WDR4: variants seen among roughly 807,000 people sequenced by gnomAD.
The protein encoded by WDR4 is WDR4 tRNA N7-guanosine methyltransferase non-catalytic subunit.
In WDR4, 47 loss-of-function variants were observed where a neutral mutation model predicts 48.6. The observed-to-expected ratio is 0.97, with a 90% confidence interval of 0.77 to 1.23. The LOEUF (loss-of-function observed/expected upper bound fraction) is 1.23. Ranked by LOEUF, WDR4 falls within the 50% of genes most tolerant of loss-of-function variation. The pLI is 0.00. For missense variants in WDR4, 606 were observed against 551.6 expected, an observed-to-expected ratio of 1.10 and a Z score of -0.99; for synonymous variants, 268 against 230.0, an observed-to-expected ratio of 1.17 and a Z score of -1.49.
Position 42,861,876 on chromosome 21 carries a change from C to T in WDR4, c.566+406G>A, listed in dbSNP as rs373427486. Reference sequence around the variant, plus strand: ...TGGCAGAGTGTGCTGCCACGAGAGACGCCGCCACCTGGCTGCAGAGGCCGC... The same window carrying T: ...TGGCAGAGTGTGCTGCCACGAGAGATGCCGCCACCTGGCTGCAGAGGCCGC... On this transcript the variant is annotated intron_variant, in intron 5 of 10. Coordinates refer to ENST00000398208, the MANE Select transcript of WDR4 (RefSeq NM_018669.6). Among the ~76,000 whole-genome samples, 26 of 152,288 alleles carry T rather than the reference C, an allele frequency of 1.7e-4. 1 individual carries two copies. In the South Asian group the frequency reaches 2.1e-3, roughly 12 times the overall value.
chr21:42,860,904 G>A lies in WDR4; in HGVS notation c.567-1182C>T, dbSNP rs372251515. 1.6e-4 allele frequency among the ~76,000 whole-genome samples: 24 copies of A among 152,266 alleles called. 1 individual carries two copies. In the South Asian group the frequency reaches 2.1e-3, roughly 13 times the overall value. ...GCGGGAGACGGCCAGTGAACCAACT[G>A]ATACTGCAATGTCAGCAAAGGGCAC... On this transcript the variant is annotated intron_variant, in intron 5 of 10. Transcript: ENST00000398208.
rs143170147 is a variant in WDR4 at position 42,854,238 on chromosome 21, G to A, written c.791+324C>T. ...CGCCAACCCCAGGGGGTTCCCATCC[G>A]ACCAGCCCCGAGCCGGGAGTGAGGT... On this transcript the variant is annotated intron_variant, in intron 8 of 10. Coordinates refer to ENST00000398208, the MANE Select transcript of WDR4 (RefSeq NM_018669.6). Among the ~76,000 whole-genome samples the A allele has an allele frequency of 2.1e-3, 315 of 152,330 alleles. 5 individuals are homozygous for A. Among genetic ancestry groups the A allele is most frequent in the South Asian group, 6.0e-3 (29 of 4,826 alleles).
At chr21:42,859,918 G>A (rs764740785) in intron 5 of WDR4, among the ~76,000 whole-genome samples, 196 bp from the exon 6 acceptor site, 5 of 152,066 alleles carry the variant, frequency 3.3e-5, no homozygotes, top group African/African-American at 4.8e-5. Context: ...GCCCCTGGAC[G>A]CAGTCGGGGA....
chr21:42,872,633 A>C (rs956010077), intron 3 of WDR4, among the ~76,000 whole-genome samples: 1 of 149,970 alleles, frequency 6.7e-6, no homozygotes, highest in African/African-American at 2.5e-5. Context: ...AAAAAAGATG[A>C]AATAAAAATC....
intron 3 of WDR4, among the ~76,000 whole-genome samples, chr21:42,872,082 T>G (rs1156587885): frequency 1.3e-5 from 2 of 152,036 alleles, no homozygotes; most frequent in Non-Finnish European, 2.9e-5. Flanking sequence ...CCTCCCAGGT[T>G]CGGGAGATTC....
At chr21:42,886,552 T>C in the WDR4 span, among the ~76,000 whole-genome samples, 4 of 152,238 alleles carry the variant, frequency 2.6e-5, no homozygotes, top group Non-Finnish European at 5.9e-5. Flanking sequence ...AGATGTTCCA[T>C]GGGCTTTGCT....
upstream of WDR4, among the ~76,000 whole-genome samples, chr21:42,880,522 AGAG>A (rs1309700976): frequency 6.6e-6 from 1 of 152,234 alleles, no homozygotes; most frequent in Non-Finnish European, 1.5e-5. Flanking sequence ...GAAAATGAGA[AGAG>A]GAGGAGACAC....
At chr21:42,858,706 C>A (rs562622847) in intron 6 of WDR4, among the ~76,000 whole-genome samples, 3 of 152,250 alleles carry the variant, frequency 2.0e-5, no homozygotes, top group East Asian at 3.9e-4. Context: ...GCTGACGAAG[C>A]CTGACCCTGA....
At position 42,855,675 on chromosome 21, in the gene WDR4, C is replaced by A; in HGVS notation, c.726+7G>T. 6.5e-7 allele frequency: 1 copy of A among 1,545,560 alleles called. No individual in the cohort carries two copies. The highest frequency in any genetic ancestry group is 8.8e-7 in the Non-Finnish European group (1 of 1,142,380). On this transcript the variant is annotated splice_region_variant and intron_variant, in intron 7 of 10. Coordinates refer to ENST00000398208, the MANE Select transcript of WDR4 (RefSeq NM_018669.6). Reference sequence around the variant, plus strand: ...TCAGTCGCCCAGGAGTGAACAGAAGCAGCTACCTGGGGGGCCTGGGGGTCC... The same window carrying A: ...TCAGTCGCCCAGGAGTGAACAGAAGAAGCTACCTGGGGGGCCTGGGGGTCC...
chr21:42,852,173 C>A, intron 10 of WDR4, 82 bp downstream of exon 10: 1 of 1,421,992 alleles, frequency 7.0e-7, no homozygotes, highest in Non-Finnish European at 9.8e-7. Context: ...GTACCCCGGG[C>A]AGGTCACAGT....
At chr21:42,847,697 T>A (rs575810120), downstream of WDR4, among the ~76,000 whole-genome samples, 2 of 152,214 alleles carry the variant, frequency 1.3e-5, no homozygotes, top group African/African-American at 4.8e-5. Context: ...GATAATGAAA[T>A]GTGAATTTCA....
chr21:42,868,861 G>A (rs1351992488), intron 3 of WDR4, among the ~76,000 whole-genome samples: 1 of 152,250 alleles, frequency 6.6e-6, no homozygotes, highest in Non-Finnish European at 1.5e-5. Context: ...CCACACCTCT[G>A]CTGTCCCAGT....
At position 42,863,541 on chromosome 21, in the gene WDR4, A is replaced by G. The variant is rs1157703135; in HGVS notation, c.352T>C (p.Leu118=). The change falls in exon 4 of 11, where the codon TTG becomes CTG. Residue 118 remains leucine (L), a synonymous_variant. Transcript: ENST00000398208. ...LTFIASEEKV[L]VADKSGDVYS... is the part of the protein sequence containing the mutation. ...ACGTCTCCAGACTTGTCGGCCACCA[A>G]GACCTTCTCCTCCGAGGCTATGAAA... 4 of 1,614,072 alleles carry G rather than the reference A, an allele frequency of 2.5e-6. No individual in the cohort carries two copies. Among genetic ancestry groups the G allele is most frequent in the Non-Finnish European group, 3.4e-6 (4 of 1,180,000 alleles).
At chr21:42,843,215 GC>G (rs2057681367) in exon 12 of WDR4, 1 of 152,088 alleles carries the variant, frequency 6.6e-6, no homozygotes, top group Non-Finnish European at 1.5e-5. Flanking sequence ...CTCATCGTCG[GC>G]CGACAGATCG....
At chr21:42,858,315 CAGA>C (rs1297011189) in intron 6 of WDR4, among the ~76,000 whole-genome samples, 1 of 152,126 alleles carries the variant, frequency 6.6e-6, no homozygotes, top group East Asian at 1.9e-4. Context: ...GTCCTCCAGG[CAGA>C]AGGAGAGCCC....
intron 3 of WDR4, among the ~76,000 whole-genome samples, chr21:42,867,395 A>C (rs1773244161): frequency 6.8e-6 from 1 of 146,718 alleles, no homozygotes; most frequent in Non-Finnish European, 1.5e-5. Context: ...CGCTCCACCA[A>C]AAAAAAAAAA....
chr21:42,868,836 G>A (rs193172843), intron 3 of WDR4, among the ~76,000 whole-genome samples: 66 of 152,380 alleles, frequency 4.3e-4, no homozygotes, highest in African/African-American at 1.4e-3. Context: ...ATTGGTGCCA[G>A]TAAACCCACA....
In WDR4 at chr21:42,862,540, C is replaced by T. The variant is rs762240316; in HGVS notation, c.454-146G>A. 2 of 678,902 alleles carry T rather than the reference C, an allele frequency of 2.9e-6. No homozygotes were observed. Among genetic ancestry groups the T allele is most frequent in the Admixed American group, 2.6e-5 (1 of 38,504 alleles). The allele number at this position is 678,902 out of a possible 1,614,324, so 42.1% of individuals were successfully genotyped here. A position where few individuals can be genotyped will look rare whatever the true frequency, so the allele number is the denominator to read the frequency against. ...ACAGACCAGCGTGGCTCCTCCCCTC[C>T]TCCCGTCCCTACGTCTAATTGGTGG... On this transcript the variant is annotated intron_variant, in intron 4 of 10. Transcript: ENST00000398208. The surrounding 1 kb of genome is among the most constrained non-coding windows in gnomAD (Gnocchi z 4.3).
chr21:42,873,085 G>T (rs1230789973), intron 3 of WDR4, among the ~76,000 whole-genome samples: 1 of 152,168 alleles, frequency 6.6e-6, no homozygotes, highest in Admixed American at 6.6e-5. Context: ...CCACTCTTCA[G>T]ATACTCAGAC....
Sources: allele counts gnomAD v4.1 joint callset (sites outside exome capture counted in the v4.1 genomes callset), GRCh38; gene constraint gnomAD v4.1.1; non-coding constraint Gnocchi (gnomAD v3.1); transcripts MANE v1.5; gene names NCBI Gene and HGNC (gene_info 2026-07-23, HGNC 2026-07-21).